MAP3K15: variants seen among roughly 807,000 people sequenced by gnomAD.
MAP3K15 encodes mitogen-activated protein kinase kinase kinase 15.
MAP3K15 carries 124 observed loss-of-function variants against 99.5 expected under a neutral mutation model. That is an observed-to-expected ratio of 1.25 (90% CI 1.08 to 1.45). The LOEUF is 1.45. Among genes scored for constraint, MAP3K15 ranks in the 40% most tolerant of loss-of-function variants. The pLI is 0.00. For synonymous variants in MAP3K15, 494 were observed against 439.6 expected (o/e 1.12, Z -1.55); for missense variants, 1,242 against 1,079.7 (o/e 1.15, Z -2.11).
intron 24 of MAP3K15, 46 bp from the exon 25 acceptor site, chrX:19,369,265 T>C: frequency 4.2e-6 from 5 of 1,196,739 alleles, no homozygotes; most frequent in Non-Finnish European, 5.7e-6. Flanking sequence ...ACCAGGCCAG[T>C]GGGGCCTGGG....
chrX:19,436,165 A>G (rs867400837), intron 6 of MAP3K15, among the ~76,000 whole-genome samples: 8 of 106,056 alleles, frequency 7.5e-5, no homozygotes, highest in South Asian at 4.0e-4. Context: ...AAAAAAAAAA[A>G]AAAGAAAGAA....
At chrX:19,509,418 T>C (rs2064503072) in intron 1 of MAP3K15, among the ~76,000 whole-genome samples, 1 of 111,849 alleles carries the variant, frequency 8.9e-6, no homozygotes, top group Non-Finnish European at 1.9e-5. Flanking sequence ...GCAATTAAAT[T>C]AGAACTCAGG....
In MAP3K15 at chrX:19,361,994, G is replaced by A. The variant is rs763487962; in HGVS notation, c.3680-401C>T. Among the ~76,000 whole-genome samples the A allele has an allele frequency of 4.5e-5, 5 of 111,462 alleles. No individual in the cohort carries two copies. In the South Asian group the frequency reaches 1.5e-3, roughly 34 times the overall value. On this transcript the variant is annotated intron_variant, in intron 26 of 28. Coordinates refer to ENST00000338883, the MANE Select transcript of MAP3K15 (RefSeq NM_001001671.4). ...TAGCTCTGGAGCTCGTTTCTAAGTG[G>A]CCCAAAACGAATGTCAGGTTGATGG...
intron 1 of MAP3K15, among the ~76,000 whole-genome samples, chrX:19,511,976 T>C (rs1304522858): frequency 8.9e-6 from 1 of 111,958 alleles, no homozygotes; most frequent in East Asian, 2.8e-4. Flanking sequence ...CACAATGGAA[T>C]ACTATGCAGC....
chrX:19,404,332 T>A (rs1371730834), intron 13 of MAP3K15, among the ~76,000 whole-genome samples: 1 of 112,124 alleles, frequency 8.9e-6, no homozygotes, highest in South Asian at 3.7e-4. Flanking sequence ...TACAAAACTA[T>A]CATTGAAAGA....
At chrX:19,457,509 G>A (rs2064102397) in intron 5 of MAP3K15, among the ~76,000 whole-genome samples, 1 of 111,670 alleles carries the variant, frequency 9.0e-6, no homozygotes, top group Non-Finnish European at 1.9e-5. Flanking sequence ...CTACTCGAGA[G>A]GCTGAGGCAG....
intron 17 of MAP3K15, 112 bp downstream of exon 17, chrX:19,392,231 G>A (rs2063532884): frequency 7.7e-6 from 8 of 1,039,980 alleles, no homozygotes; most frequent in African/African-American, 1.9e-5. Context: ...TTTTGGGGAC[G>A]GTTGTGCTAA....
chrX:19,490,140 T>TACACACACACACAC (rs59202439), intron 1 of MAP3K15, among the ~76,000 whole-genome samples: 7 of 92,469 alleles, frequency 7.6e-5, no homozygotes, highest in South Asian at 5.5e-4. Context: ...ATAGGCATTA[T>TACACACACACACAC]ACACACACAC....
chrX:19,380,050 T>C (rs925918226), intron 19 of MAP3K15, 70 bp downstream of exon 19: 2 of 1,049,757 alleles, frequency 1.9e-6, no homozygotes, highest in Non-Finnish European at 2.5e-6. Flanking sequence ...GTTTTCTGGA[T>C]TGGGAGGAGA....
intron 3 of MAP3K15, among the ~76,000 whole-genome samples, chrX:19,475,614 G>A (rs775918652): frequency 1.8e-5 from 2 of 110,884 alleles, no homozygotes; most frequent in Non-Finnish European, 3.8e-5. Context: ...AGCTCTCCAC[G>A]AATAAACAGT....
Position 19,368,243 on chromosome X carries a change from A to G in MAP3K15, c.3566+811T>C, listed in dbSNP as rs183871557. ...CTGCAACCCCCACCTCCCGGATTCA[A>G]TCGATTCTCCTGCCTCAGCTTCCCA... On this transcript the variant is annotated intron_variant, in intron 25 of 28. Transcript: ENST00000338883. Among the ~76,000 whole-genome samples the G allele has an allele frequency of 2.7e-3, 298 of 111,915 alleles. 2 individuals carry two copies. Among genetic ancestry groups the G allele is most frequent in the African/African-American group, 9.1e-3 (282 of 30,831 alleles).
intron 9 of MAP3K15, among the ~76,000 whole-genome samples, chrX:19,417,877 T>G (rs1306039824): frequency 2.7e-5 from 3 of 111,888 alleles, no homozygotes; most frequent in African/African-American, 9.8e-5. Context: ...CAACATCTGC[T>G]GTTCACCAAT....
At chrX:19,372,599 T>C in intron 22 of MAP3K15, 54 bp downstream of exon 22, 1 of 1,132,671 alleles carries the variant, frequency 8.8e-7, no homozygotes, top group Non-Finnish European at 1.2e-6. Flanking sequence ...GTCTGGGGAC[T>C]GGGACCTGGG....
rs184210742 is a variant in MAP3K15, at chrX:19,441,595, T to C, written c.996-9987A>G. 1.3e-4 allele frequency among the ~76,000 whole-genome samples: 14 copies of C among 111,365 alleles called. No homozygotes were observed. The East Asian group carries it at 3.7e-3, about 29-fold the overall frequency. On this transcript the variant is annotated intron_variant, in intron 6 of 28. Coordinates refer to ENST00000338883, the MANE Select transcript of MAP3K15 (RefSeq NM_001001671.4). ...AAGCCATCCCGAGTAGCTGGGAATA[T>C]AGGCATGCACCATAATGCCTGGTTA...
intron 11 of MAP3K15, among the ~76,000 whole-genome samples, chrX:19,411,938 A>C (rs2063691905): frequency 8.9e-6 from 1 of 112,197 alleles, no homozygotes; most frequent in South Asian, 3.7e-4. Context: ...GAGGCTTCTC[A>C]TAAGAGGGTA....
chrX:19,369,713 A>G (rs1290143682), intron 24 of MAP3K15, among the ~76,000 whole-genome samples: 1 of 111,087 alleles, frequency 9.0e-6, no homozygotes, highest in Admixed American at 9.5e-5. Context: ...TCAAGAGATC[A>G]AGACCATCCT....
At chrX:19,514,033 T>C (rs183729879) in intron 1 of MAP3K15, among the ~76,000 whole-genome samples, 2 of 111,399 alleles carry the variant, frequency 1.8e-5, no homozygotes, top group African/African-American at 3.3e-5. Flanking sequence ...CACAGGGTGG[T>C]GGCTCACACT....
chrX:19,452,397 AAAGAAAAGAAAAGAAAAGAAAAGAAG>A lies in MAP3K15; in HGVS notation c.995+4490_995+4515del, dbSNP rs1278667574. ...AAGAGAGAAAAGAAAAGAGAAAAGA[AAAGAAAAGAAAAGAAAAGAAAAGAAG>A]AAAGAAAAAGAAAAAGAAAAAAATT... On this transcript the variant is annotated intron_variant, in intron 6 of 28. Coordinates refer to ENST00000338883, the MANE Select transcript of MAP3K15 (RefSeq NM_001001671.4). Among the ~76,000 whole-genome samples, 6 of 15,754 alleles carry A rather than the reference AAAGAAAAGAAAAGAAAAGAAAAGAAG, an allele frequency of 3.8e-4. 1 individual carries two copies. The highest frequency in any genetic ancestry group is 5.2e-4 in the African/African-American group (6 of 11,642). 13.7% of individuals were successfully genotyped at this position (15,754 alleles called of 115,157 possible).
chrX:19,474,542 TTGG>T (rs2064228373), intron 3 of MAP3K15, among the ~76,000 whole-genome samples: 2 of 50,476 alleles, frequency 4.0e-5, no homozygotes, highest in Non-Finnish European at 6.5e-5. Flanking sequence ...TTCTTGGAGG[TTGG>T]GGGGGGGGGT....
Sources: allele counts gnomAD v4.1 joint callset (sites outside exome capture counted in the v4.1 genomes callset), GRCh38; gene constraint gnomAD v4.1.1; transcripts MANE v1.5; gene names NCBI Gene and HGNC (gene_info 2026-07-23, HGNC 2026-07-21).